Variants in ZNF763 observed in about 807,000 individuals in gnomAD.
ZNF763 encodes the protein zinc finger protein 763, also known as DNA-binding protein.
In ZNF763, 33 loss-of-function variants were observed where a neutral mutation model predicts 38.0. That is an observed-to-expected ratio of 0.87 (90% CI 0.66 to 1.16). The LOEUF (loss-of-function observed/expected upper bound fraction) is 1.16. Ranked by LOEUF, ZNF763 falls within the 50% of genes most tolerant of loss-of-function variation. The pLI is 0.00. For synonymous variants in ZNF763, 155 were observed against 160.1 expected (o/e 0.97, Z 0.24); for missense variants, 423 against 469.1 (o/e 0.90, Z 0.91).
At chr19:11,976,250 C>T (rs1973485998) in intron 1 of ZNF763, among the ~76,000 whole-genome samples, 1 of 151,584 alleles carries the variant, frequency 6.6e-6, no homozygotes. Context: ...TCATAGGACT[C>T]TATTACGACA....
chr19:11,965,368 G>C (rs1183427524), intron 1 of ZNF763, among the ~76,000 whole-genome samples, 157 bp downstream of exon 1: 1 of 152,212 alleles, frequency 6.6e-6, no homozygotes, highest in African/African-American at 2.4e-5. Context: ...CTCGGCCGCT[G>C]GATGGGGCTG....
At chr19:11,976,555 CAAAAAAAA>C (rs1197877281) in intron 1 of ZNF763, among the ~76,000 whole-genome samples, 1 of 73,814 alleles carries the variant, frequency 1.4e-5, no homozygotes, top group Non-Finnish European at 2.7e-5. Flanking sequence ...GACTCTGTCT[CAAAAAAAA>C]AAAAAAAAAA....
intron 1 of ZNF763, among the ~76,000 whole-genome samples, chr19:11,974,147 TTTCTTTCTTTCCTTCCTTCCTTCCTTCC>T (rs1973429963): frequency 8.1e-6 from 1 of 122,764 alleles, no homozygotes; most frequent in Non-Finnish European, 1.6e-5. Context: ...TCTTTCTTTC[TTTCTTTCTTTCCTTCCTTCCTTCCTTCC>T]TTCTTTCTTT....
At chr19:11,974,362 A>T (rs569097428) in intron 1 of ZNF763, among the ~76,000 whole-genome samples, 3 of 150,900 alleles carry the variant, frequency 2.0e-5, no homozygotes, top group Non-Finnish European at 2.9e-5. Context: ...ACTCCTGATA[A>T]ATTTTTGTAT....
Position 11,978,665 on chromosome 19 carries a change from A to G in ZNF763, c.741A>G (p.Glu247=). 1 of 1,614,120 alleles carries G rather than the reference A, an allele frequency of 6.2e-7. No individual in the cohort carries two copies. The highest frequency in any genetic ancestry group is 8.5e-7 in the Non-Finnish European group (1 of 1,179,988). The part of the protein sequence containing the change: ...FSYSATHRIH[E]RTHTGEKPYE... The stretch of plus-strand genomic sequence containing the variant: ...ATTCTGCTACCCATCGAATACATGA[A>G]AGAACTCACACTGGAGAAAAGCCTT... Residue 247 remains glutamate, a synonymous_variant, in exon 4 of 4, where the codon GAA becomes GAG. Transcript: ENST00000358987.
At chr19:11,974,084 T>A (rs1230638555) in intron 1 of ZNF763, among the ~76,000 whole-genome samples, 98 of 77,778 alleles carry the variant, frequency 1.3e-3, no homozygotes, top group African/African-American at 4.5e-3. Flanking sequence ...TTTCTTTCTT[T>A]CTTTCTTTCT....
chr19:11,965,908 G>A (rs946817757), intron 1 of ZNF763, among the ~76,000 whole-genome samples: 6 of 152,098 alleles, frequency 3.9e-5, no homozygotes, highest in Admixed American at 2.6e-4. Context: ...CAGAAAGGGC[G>A]GGACCTGTGG....
Position 11,978,178 on chromosome 19 carries a change from C to T in ZNF763, c.254C>T (p.Thr85Ile), listed in dbSNP as rs1319668769. The stretch of plus-strand genomic sequence containing the variant: ...GACAGTCATTGTGGAGAAACTTTTA[C>T]CCAGGTTCCAGATGACAGGCTGAAC... Reference protein sequence around the residue: ...KEDSHCGETFTQVPDDRLNFQ... With the variant: ...KEDSHCGETFIQVPDDRLNFQ... Residue 85 changes from threonine (T) to isoleucine (I), a missense_variant, in exon 4 of 4, where the codon ACC becomes ATC. Coordinates refer to ENST00000358987, the MANE Select transcript of ZNF763 (RefSeq NM_001367172.2). The T allele has an allele frequency of 6.2e-7, 1 of 1,613,920 alleles. No individual in the cohort carries two copies. Among genetic ancestry groups the T allele is most frequent in the Admixed American group, 1.7e-5 (1 of 59,952 alleles).
chr19:11,976,017 GT>G (rs891079464), intron 1 of ZNF763, among the ~76,000 whole-genome samples: 1 of 148,706 alleles, frequency 6.7e-6, no homozygotes, highest in African/African-American at 2.5e-5. Flanking sequence ...CATAATGGAT[GT>G]TTCTTTCTAC....
intron 1 of ZNF763, among the ~76,000 whole-genome samples, chr19:11,974,326 A>G (rs1973437326): frequency 6.6e-6 from 1 of 150,544 alleles, no homozygotes; most frequent in Non-Finnish European, 1.5e-5. Flanking sequence ...CCTCCCAAGT[A>G]GCTGGGATTA....
At chr19:11,972,725 G>T (rs1973376325) in intron 1 of ZNF763, among the ~76,000 whole-genome samples, 1 of 151,978 alleles carries the variant, frequency 6.6e-6, no homozygotes, top group Non-Finnish European at 1.5e-5. Flanking sequence ...GTGGTTGTTT[G>T]CCCAAAACGT....
intron 1 of ZNF763, among the ~76,000 whole-genome samples, chr19:11,974,089 CTT>C (rs1474093566): frequency 1.2e-5 from 1 of 86,594 alleles, no homozygotes; most frequent in African/African-American, 5.3e-5. Flanking sequence ...TTCTTTCTTT[CTT>C]TCTTTCTTTC....
chr19:11,979,100 G>T lies in ZNF763; in HGVS notation c.1176G>T (p.Lys392Asn). 1 of 1,613,818 alleles carries T rather than the reference G, an allele frequency of 6.2e-7. No individual in the cohort carries two copies. Among genetic ancestry groups the T allele is most frequent in the Non-Finnish European group, 8.5e-7 (1 of 1,179,952 alleles). The stretch of plus-strand genomic sequence containing the variant: ...CACCTAAGAATGCGCTCTGGAGAAA[G>T]ACCTTATAAATGTTAGATATGTGGG... ...SNTPKNALWR[K>N]TL The change falls in exon 4 of 4, where the codon AAG becomes AAT. Residue 392 changes from lysine (K) to asparagine (N), a missense_variant. By Grantham distance (94) the Lys-to-Asn change is moderately conservative. Coordinates refer to ENST00000358987, the MANE Select transcript of ZNF763 (RefSeq NM_001367172.2).
At position 11,980,409 on chromosome 19, in the gene ZNF763, T is replaced by C. The variant is rs1191106838; in HGVS notation, c.*1300T>C. ...AAAAAAAAAAAAAAAAGACTTGGCCTTGTGGTGAGGGGATGTCAGCTCTAG... is the reference window on the plus strand; with the variant it reads ...AAAAAAAAAAAAAAAAGACTTGGCCCTGTGGTGAGGGGATGTCAGCTCTAG... On this transcript the variant is annotated 3_prime_UTR_variant, in exon 4 of 4. Coordinates refer to ENST00000358987, the MANE Select transcript of ZNF763 (RefSeq NM_001367172.2). 4 of 160,272 alleles carry C rather than the reference T, an allele frequency of 2.5e-5. No homozygotes were observed. Among genetic ancestry groups the C allele is most frequent in the African/African-American group, 7.5e-5 (3 of 39,850 alleles). The allele number at this position is 160,272 out of a possible 1,614,324, so 9.9% of individuals were successfully genotyped here.
intron 1 of ZNF763, among the ~76,000 whole-genome samples, chr19:11,974,442 C>G (rs1424083903): frequency 1.3e-5 from 2 of 151,804 alleles, no homozygotes; most frequent in Non-Finnish European, 2.9e-5. Flanking sequence ...GGTGATCCAC[C>G]CGCCTTGGCC....
Position 11,977,116 on chromosome 19 carries a change from C to A in ZNF763, c.82C>A (p.Leu28Ile), listed in dbSNP as rs372760514. The A allele has an allele frequency of 1.2e-6, 2 of 1,614,010 alleles. No individual in the cohort carries two copies. The highest frequency in any genetic ancestry group is 1.3e-5 in the African/African-American group (1 of 74,920). ...TTTGCTGGATATTTCGCAGAGGAAA[C>A]TCTACAGGGAAGTGATGCTGGAAAC... The part of the protein sequence containing the change: ...WALLDISQRK[L>I]YREVMLETFR... Residue 28 changes from leucine (L) to isoleucine (I), a missense_variant, in exon 2 of 4, where the codon CTC becomes ATC. Physicochemically the swap from Leu to Ile is conservative, Grantham distance 5 (BLOSUM62 2). Transcript: ENST00000358987.
rs746682724 is a variant in ZNF763 at position 11,978,324 on chromosome 19, T to A, written c.400T>A (p.Tyr134Asn). Reference protein sequence around the residue: ...NIRGDIGHKAYEYQDYAPKPY... With the variant: ...NIRGDIGHKANEYQDYAPKPY... ...CAGAGGTGACATTGGGCACAAGGCA[T>A]ACGAGTATCAGGACTATGCACCAAA... Residue 134 changes from tyrosine to asparagine, a missense_variant, in exon 4 of 4, where the codon TAC becomes AAC. By Grantham distance (143) the Tyr-to-Asn change is moderately radical. Transcript: ENST00000358987. 6.2e-7 allele frequency: 1 copy of A among 1,614,130 alleles called. No homozygotes were observed. The highest frequency in any genetic ancestry group is 8.5e-7 in the Non-Finnish European group (1 of 1,180,024).
At position 11,978,762 on chromosome 19, in the gene ZNF763, G is replaced by A. The variant is rs375921032; in HGVS notation, c.838G>A (p.Gly280Arg). ...TCAAGCACATAAAAGAACCCACACT[G>A]GGGGAAAGCCATATGAATGTAAACA... ...SFQAHKRTHT[G>R]GKPYECKQCG... The change falls in exon 4 of 4, where the codon GGG becomes AGG. Residue 280 changes from glycine to arginine, a missense_variant. Transcript: ENST00000358987. 1.9e-6 allele frequency: 3 copies of A among 1,613,942 alleles called. No individual in the cohort carries two copies. The highest frequency in any genetic ancestry group is 2.5e-6 in the Non-Finnish European group (3 of 1,179,984).
intron 1 of ZNF763, among the ~76,000 whole-genome samples, chr19:11,969,846 A>C (rs1973313439): frequency 6.6e-6 from 1 of 152,170 alleles, no homozygotes; most frequent in Non-Finnish European, 1.5e-5. Context: ...CAGACACCTT[A>C]TCAGGATGTC....
Sources: gnomAD v4.1 joint callset for allele counts (sites outside exome capture counted in the v4.1 genomes callset) on GRCh38, gnomAD v4.1.1 for gene constraint, MANE v1.5 for transcripts, NCBI Gene and HGNC (gene_info 2026-07-23, HGNC 2026-07-21) for gene names.